MYO16: variants seen among roughly 807,000 people sequenced by gnomAD.
The protein encoded by MYO16 is myosin XVI.
A neutral mutation model predicts 205.3 loss-of-function variants in MYO16; 94 were observed. The ratio of observed to expected loss-of-function variants is 0.46; its 90% CI spans 0.39 to 0.54. The LOEUF (loss-of-function observed/expected upper bound fraction) is 0.54. Among genes scored for constraint, MYO16 ranks in the 20% least tolerant of loss-of-function variants. MYO16 has a pLI of 0.00. For synonymous variants in MYO16, 988 were observed against 954.0 expected (o/e 1.04, Z -0.66); for missense variants, 2,315 against 2,387.5 (o/e 0.97, Z 0.63).
chr13:108,664,471 G>A (rs780811031), intron 1 of MYO16, among the ~76,000 whole-genome samples: 24 of 152,208 alleles, frequency 1.6e-4, no homozygotes, highest in Non-Finnish European at 2.6e-4. Context: ...TGGCGGCTGT[G>A]AGAATAAAGA....
intron 21 of MYO16, among the ~76,000 whole-genome samples, chr13:109,006,696 A>C (rs920133370): frequency 5.3e-5 from 8 of 152,112 alleles, no homozygotes; most frequent in Non-Finnish European, 8.8e-5. Context: ...ATAAATATTG[A>C]TCTGTAATTA....
chr13:108,974,220 A>G lies in MYO16; in HGVS notation c.2369+9318A>G, dbSNP rs1042694209. 5.3e-5 allele frequency among the ~76,000 whole-genome samples: 8 copies of G among 152,158 alleles called. 1 individual carries two copies. In the East Asian group the frequency reaches 1.5e-3, roughly 29 times the overall value. On this transcript the variant is annotated intron_variant, in intron 20 of 34. Coordinates refer to ENST00000457511, the MANE Select transcript of MYO16 (RefSeq NM_001198950.3). ...CGGGTATCCAAGGATTTCAAATATA[A>G]GAGAATATTTTTTGCTGTTCATATT...
intron 34 of MYO16, among the ~76,000 whole-genome samples, chr13:109,199,354 G>T (rs11619649): frequency 6.6e-6 from 1 of 151,102 alleles, no homozygotes; most frequent in Non-Finnish European, 1.5e-5. Flanking sequence ...ATGAAGCAGG[G>T]AGCTCCTAGA....
At chr13:108,591,949 T>C (rs555899660), upstream of MYO16, among the ~76,000 whole-genome samples, 10 of 151,922 alleles carry the variant, frequency 6.6e-5, no homozygotes, top group South Asian at 2.1e-3. Flanking sequence ...GCAACTAACT[T>C]GCCAATATTT....
intron 1 of MYO16, among the ~76,000 whole-genome samples, chr13:108,635,466 T>A (rs1168067857): frequency 6.6e-6 from 1 of 152,132 alleles, no homozygotes; most frequent in African/African-American, 2.4e-5. Context: ...AATATTAATG[T>A]TTCTCTTGAT....
intron 22 of MYO16, 83 bp from the exon 23 acceptor site, chr13:109,019,628 A>G (rs56278675): frequency 0.1 from 112,937 of 1,093,656 alleles, 6,391 homozygotes; most frequent in East Asian, 0.21. Context: ...TAACAAAAAT[A>G]TAAGCAAGCA....
chr13:108,738,364 C>T (rs991780690), intron 4 of MYO16, among the ~76,000 whole-genome samples: 5 of 152,146 alleles, frequency 3.3e-5, no homozygotes, highest in African/African-American at 9.7e-5. Flanking sequence ...CAAAGAACAT[C>T]TTTATTTCTG....
intron 33 of MYO16, among the ~76,000 whole-genome samples, chr13:109,175,229 C>G (rs1879113959): frequency 6.6e-6 from 1 of 152,152 alleles, no homozygotes; most frequent in African/African-American, 2.4e-5. Flanking sequence ...CTCTTTGTGT[C>G]CTGCAGGAAG....
At chr13:108,948,345 A>G (rs967260400) in intron 16 of MYO16, among the ~76,000 whole-genome samples, 5 of 152,234 alleles carry the variant, frequency 3.3e-5, no homozygotes, top group Non-Finnish European at 7.3e-5. Flanking sequence ...AAACTGAGCA[A>G]CACATTGTGT....
chr13:108,701,106 CAT>C (rs1368054210), intron 2 of MYO16, among the ~76,000 whole-genome samples: 1 of 152,098 alleles, frequency 6.6e-6, no homozygotes, highest in Non-Finnish European at 1.5e-5. Context: ...AGTGGCTACA[CAT>C]GATACGTAAT....
At chr13:108,979,346 A>G (rs1418878751) in intron 20 of MYO16, among the ~76,000 whole-genome samples, 1 of 151,858 alleles carries the variant, frequency 6.6e-6, no homozygotes, top group African/African-American at 2.4e-5. Flanking sequence ...CTCTTAGTAT[A>G]TTCCAGAAGT....
At position 108,775,801 on chromosome 13, in the gene MYO16, C is replaced by A. The variant is rs184275585; in HGVS notation, c.508-9834C>A. Among the ~76,000 whole-genome samples the A allele has an allele frequency of 2.6e-3, 398 of 152,248 alleles. 8 individuals carry two copies. Among genetic ancestry groups the A allele is most frequent in the Non-Finnish European group, 1.5e-3 (100 of 68,022 alleles). On this transcript the variant is annotated intron_variant, in intron 4 of 34. Transcript: ENST00000457511. ...CTCAATGTGCAGTACAAGTAAGGAA[C>A]CTGAAATGCAATTAATTCATTCAAC... is the stretch of plus-strand genomic sequence containing the variant.
chr13:108,663,211 G>A (rs938221821), intron 1 of MYO16, among the ~76,000 whole-genome samples: 1 of 152,116 alleles, frequency 6.6e-6, no homozygotes, highest in Non-Finnish European at 1.5e-5. Context: ...AATTCACAAT[G>A]CAAGCCTCTA....
At chr13:108,817,464 T>G (rs1253524723) in intron 7 of MYO16, among the ~76,000 whole-genome samples, 1 of 152,182 alleles carries the variant, frequency 6.6e-6, no homozygotes, top group African/African-American at 2.4e-5. Flanking sequence ...ACAAAACTAA[T>G]CTGGGGTGCT....
chr13:109,117,970 T>A (rs1413071436), intron 28 of MYO16, among the ~76,000 whole-genome samples: 1 of 152,194 alleles, frequency 6.6e-6, no homozygotes, highest in East Asian at 1.9e-4. Flanking sequence ...CAATTACAGA[T>A]GTAGCCTCTT....
At chr13:108,910,969 G>T (rs749258105) in intron 16 of MYO16, among the ~76,000 whole-genome samples, 1 of 150,930 alleles carries the variant, frequency 6.6e-6, no homozygotes, top group Non-Finnish European at 1.5e-5. Context: ...TTAGATCTAG[G>T]GGAACAGTGT....
rs374421582 is a variant in MYO16 at position 108,794,619 on chromosome 13, A to G, written c.741+979A>G. Among the ~76,000 whole-genome samples, 11 of 152,242 alleles carry G rather than the reference A, an allele frequency of 7.2e-5. No individual in the cohort carries two copies. The East Asian group carries it at 1.2e-3, about 16-fold the overall frequency. ...AGCACTGTTGCAGTAAATTATTAAA[A>G]GATCAACAAAATTTGGATTAATTTG... is the stretch of plus-strand genomic sequence containing the variant. On this transcript the variant is annotated intron_variant, in intron 6 of 34. Coordinates refer to ENST00000457511, the MANE Select transcript of MYO16 (RefSeq NM_001198950.3).
At chr13:108,552,084 C>G in the MYO16 span, among the ~76,000 whole-genome samples, 30 of 152,050 alleles carry the variant, frequency 2.0e-4, no homozygotes, top group Non-Finnish European at 3.8e-4. Context: ...TTATGAGGAC[C>G]CTGACTGAGG....
chr13:109,043,872 A>C (rs1886959941), intron 23 of MYO16, among the ~76,000 whole-genome samples: 1 of 152,202 alleles, frequency 6.6e-6, no homozygotes, highest in South Asian at 2.1e-4. Context: ...TGAATTTTTA[A>C]GTAAGAAATA....
Sources: allele counts gnomAD v4.1 joint callset (sites outside exome capture counted in the v4.1 genomes callset), GRCh38; gene constraint gnomAD v4.1.1; transcripts MANE v1.5; gene names NCBI Gene and HGNC (gene_info 2026-07-23, HGNC 2026-07-21).